Variants in SH3GLB2 observed in about 807,000 individuals in gnomAD.
SH3GLB2 encodes the protein endophilin-B2.
A neutral mutation model predicts 48.0 loss-of-function variants in SH3GLB2; 24 were observed. The ratio of observed to expected loss-of-function variants is 0.50; its 90% confidence interval spans 0.36 to 0.70. The LOEUF is 0.70. Ranked by LOEUF, SH3GLB2 falls within the 30% of genes least tolerant of loss-of-function variation. The pLI is 0.00. For missense variants in SH3GLB2, 425 were observed against 516.0 expected, an observed-to-expected ratio of 0.82 and a Z score of 1.71; for synonymous variants, 227 against 207.6, an observed-to-expected ratio of 1.09 and a Z score of -0.80.
intron 1 of SH3GLB2, among the ~76,000 whole-genome samples, 174 bp downstream of exon 1, chr9:129,027,918 G>C (rs894768203): frequency 1.3e-5 from 2 of 152,210 alleles, no homozygotes; most frequent in African/African-American, 4.8e-5. Flanking sequence ...CGGGCCGCAC[G>C]GGCTCTTTCC....
chr9:129,020,888 AACAC>A (rs113074413), intron 3 of SH3GLB2, among the ~76,000 whole-genome samples, 199 bp downstream of exon 3: 2 of 150,786 alleles, frequency 1.3e-5, no homozygotes, highest in Admixed American at 1.3e-4. Context: ...ACAAAAACAA[AACAC>A]ACACACACAC....
rs1844281000 is a variant in SH3GLB2 at position 129,028,227 on chromosome 9, C to G, written c.-73G>C. On this transcript the variant is annotated 5_prime_UTR_variant, in exon 1 of 11. Transcript: ENST00000372564. ...CCCCGGCCCAGCCGCCGCCGCCAAC[C>G]GCACCCCGCCCACCTGCTGCGGGGC... is the stretch of plus-strand genomic sequence containing the variant. The G allele has an allele frequency of 9.7e-7, 1 of 1,030,948 alleles. No individual in the cohort carries two copies. The highest frequency in any genetic ancestry group is 1.2e-6 in the Non-Finnish European group (1 of 846,038). 63.9% of individuals were successfully genotyped at this position (1,030,948 alleles called of 1,614,324 possible). A position where few individuals can be genotyped will look rare whatever the true frequency, so the allele number is the denominator to read the frequency against.
intron 3 of SH3GLB2, 98 bp downstream of exon 3, chr9:129,020,993 T>G: frequency 8.0e-7 from 1 of 1,242,748 alleles, no homozygotes; most frequent in Non-Finnish European, 1.0e-6. Context: ...AGGTATTATT[T>G]GTATAATTAT....
intron 2 of SH3GLB2, 83 bp from the exon 3 acceptor site, chr9:129,021,302 T>C (rs1230818122): frequency 1.2e-5 from 17 of 1,450,992 alleles, no homozygotes; most frequent in Non-Finnish European, 1.5e-5. Context: ...GACCCGGCCC[T>C]GCCCACAGGT....
intron 3 of SH3GLB2, among the ~76,000 whole-genome samples, chr9:129,016,951 CTTTTTTTTTT>C (rs766780203): frequency 3.6e-5 from 4 of 112,426 alleles, no homozygotes; most frequent in African/African-American, 1.3e-4. Context: ...ATACTCTGCT[CTTTTTTTTTT>C]TTTTTTTTTT....
At chr9:129,017,725 C>T (rs773526273) in intron 3 of SH3GLB2, among the ~76,000 whole-genome samples, 11 of 151,468 alleles carry the variant, frequency 7.3e-5, no homozygotes, top group South Asian at 4.2e-4. Flanking sequence ...GGTGAAATCC[C>T]GTCTCCACTG....
chr9:129,023,200 C>G (rs138983990), intron 1 of SH3GLB2, among the ~76,000 whole-genome samples: 1 of 152,092 alleles, frequency 6.6e-6, no homozygotes, highest in African/African-American at 2.4e-5. Context: ...GATGGCCAAA[C>G]GGTTGGCTTT....
At chr9:129,016,951 CT>C (rs766780203) in intron 3 of SH3GLB2, among the ~76,000 whole-genome samples, 30,400 of 112,310 alleles carry the variant, frequency 0.27, 3,269 homozygotes, top group Admixed American at 0.34. Flanking sequence ...ATACTCTGCT[CT>C]TTTTTTTTTT....
chr9:129,015,943 T>C (rs1843394457), intron 3 of SH3GLB2: 3 of 205,588 alleles, frequency 1.5e-5, no homozygotes, highest in Non-Finnish European at 3.2e-5. Flanking sequence ...ATGAATTGTC[T>C]TCTCATTAGA....
intron 6 of SH3GLB2, 123 bp downstream of exon 6, chr9:129,012,113 A>T: frequency 1.8e-6 from 1 of 541,002 alleles, no homozygotes; most frequent in Non-Finnish European, 2.8e-6. Context: ...GACTGACCTG[A>T]TCACATGGCA....
chr9:129,015,817 A>C (rs1490907133), intron 3 of SH3GLB2: 1 of 342,560 alleles, frequency 2.9e-6, no homozygotes, highest in Non-Finnish European at 6.0e-6. Flanking sequence ...GTAGTAAGCT[A>C]TGATTGCACC....
Position 129,022,318 on chromosome 9 carries a change from A to G in SH3GLB2, c.169T>C (p.Leu57=). 1 of 1,614,110 alleles carries G rather than the reference A, an allele frequency of 6.2e-7. No individual in the cohort carries two copies. ...TGCAGCAGCACCTCTGTCTGCCTCA[A>G]GATCTTCTCTGTCCAGTTCTTGGTG... ...DSTKNWTEKI[L]RQTEVLLQPN... Residue 57 remains leucine (L), a synonymous_variant, in exon 2 of 11, where the codon TTG becomes CTG. Transcript: ENST00000372564.
chr9:129,018,351 G>A (rs1255779399), intron 3 of SH3GLB2, among the ~76,000 whole-genome samples: 2 of 151,094 alleles, frequency 1.3e-5, no homozygotes, highest in Non-Finnish European at 3.0e-5. Context: ...GCCAAGGCGG[G>A]CGGATCACAA....
intron 7 of SH3GLB2, 159 bp from the exon 8 acceptor site, chr9:129,010,368 C>G: frequency 1.5e-6 from 1 of 669,678 alleles, no homozygotes; most frequent in Non-Finnish European, 2.6e-6. Flanking sequence ...GCCCCAACCC[C>G]AGAGAAGCTA....
chr9:129,012,806 C>T, intron 5 of SH3GLB2: 1 of 607,406 alleles, frequency 1.6e-6, no homozygotes, highest in East Asian at 2.8e-5. Context: ...GACAGGCGTC[C>T]AACATTTGCA....
chr9:129,023,690 G>C (rs73672310), intron 1 of SH3GLB2, among the ~76,000 whole-genome samples: 1 of 152,094 alleles, frequency 6.6e-6, no homozygotes, highest in East Asian at 1.9e-4. Context: ...GGGGGGTGGC[G>C]GGCTGGGCGG....
chr9:129,018,303 C>T (rs558026189), intron 3 of SH3GLB2, among the ~76,000 whole-genome samples: 16 of 152,260 alleles, frequency 1.1e-4, no homozygotes, highest in South Asian at 2.1e-4. Flanking sequence ...ATTGGCTGGG[C>T]GCAGTGGCTC....
Position 129,022,296 on chromosome 9 carries a change from A to G in SH3GLB2, c.191T>C (p.Leu64Pro). 6.2e-7 allele frequency: 1 copy of G among 1,613,866 alleles called. No individual in the cohort carries two copies. The highest frequency in any genetic ancestry group is 8.5e-7 in the Non-Finnish European group (1 of 1,180,004). Residue 64 changes from leucine to proline, a missense_variant, in exon 2 of 11, where the codon CTG becomes CCG. Coordinates refer to ENST00000372564, the MANE Select transcript of SH3GLB2 (RefSeq NM_020145.4). ...CACGCACTCACTGGGGTTGGGCTGC[A>G]GCAGCACCTCTGTCTGCCTCAAGAT... ...EKILRQTEVL[L>P]QPNPSARVEE...
intron 5 of SH3GLB2, chr9:129,012,898 C>G (rs759886195): frequency 3.6e-6 from 5 of 1,400,226 alleles, no homozygotes; most frequent in Non-Finnish European, 4.9e-6. Flanking sequence ...GGCGGGGAGA[C>G]CAGCTGCTTG....
Sources: gnomAD v4.1 joint callset for allele counts (sites outside exome capture counted in the v4.1 genomes callset) on GRCh38, gnomAD v4.1.1 for gene constraint, MANE v1.5 for transcripts, NCBI Gene and HGNC (gene_info 2026-07-23, HGNC 2026-07-21) for gene names.